GABRB1: variants seen among roughly 807,000 people sequenced by gnomAD.
The protein encoded by GABRB1 is gamma-aminobutyric acid receptor subunit beta-1.
A neutral mutation model predicts 51.6 loss-of-function variants in GABRB1; 17 were observed. The ratio of observed to expected loss-of-function variants is 0.33; its 90% CI spans 0.23 to 0.49. The LOEUF is 0.49. Among genes scored for constraint, GABRB1 ranks in the 20% least tolerant of loss-of-function variants. The pLI is 0.99. For missense variants in GABRB1, 410 were observed against 600.6 expected (o/e 0.68, Z 3.32); for synonymous variants, 247 against 218.9 (o/e 1.13, Z -1.14).
At position 47,351,325 on chromosome 4, in the gene GABRB1, C is replaced by CA. The variant is rs1726321612; in HGVS notation, c.544+31122dup. ...CAAGTGTGTCTATAATAATTCCCCC[C>CA]AAAAAATATCCAATCCAACCAAATT... On this transcript the variant is annotated intron_variant, in intron 5 of 8. Transcript: ENST00000295454. 2.0e-5 allele frequency among the ~76,000 whole-genome samples: 3 copies of CA among 152,244 alleles called. No homozygotes were observed. In the South Asian group the frequency reaches 6.2e-4, roughly 32 times the overall value.
chr4:47,277,124 C>T (rs983686492), intron 4 of GABRB1, among the ~76,000 whole-genome samples: 5 of 151,974 alleles, frequency 3.3e-5, no homozygotes, highest in African/African-American at 1.2e-4. Context: ...ATTATTACCA[C>T]GAATTACACT....
chr4:47,015,932 T>C (rs1019563707), intron 1 of GABRB1, among the ~76,000 whole-genome samples: 5 of 152,190 alleles, frequency 3.3e-5, no homozygotes, highest in Non-Finnish European at 7.3e-5. Context: ...GGTAGAACTA[T>C]GGTAAAAAGT....
intron 4 of GABRB1, among the ~76,000 whole-genome samples, chr4:47,275,832 T>C (rs936073274): frequency 6.6e-6 from 1 of 152,128 alleles, no homozygotes; most frequent in African/African-American, 2.4e-5. Context: ...TCTCAAGGGA[T>C]TGATTAAGGA....
intron 5 of GABRB1, among the ~76,000 whole-genome samples, chr4:47,377,858 TG>T (rs1171990790): frequency 6.6e-6 from 1 of 152,176 alleles, no homozygotes; most frequent in Non-Finnish European, 1.5e-5. Flanking sequence ...CACAGGGTGC[TG>T]ATTGGTATGT....
At chr4:47,219,442 T>C (rs1159889866) in intron 4 of GABRB1, among the ~76,000 whole-genome samples, 1 of 151,900 alleles carries the variant, frequency 6.6e-6, no homozygotes, top group Non-Finnish European at 1.5e-5. Context: ...AATTGTGTTA[T>C]TATTTTGTAT....
chr4:47,425,937 C>A lies in GABRB1; in HGVS notation c.1344C>A (p.Ser448=). The part of the protein sequence containing the change: ...VKIPDLTDVN[S]IDKWSRMFFP... The stretch of plus-strand genomic sequence containing the variant: ...TCCCCGACTTGACTGATGTGAATTC[C>A]ATAGACAAGTGGTCCCGAATGTTTT... Residue 448 remains serine, a synonymous_variant, in exon 9 of 9, where the codon TCC becomes TCA. Transcript: ENST00000295454. 6.2e-7 allele frequency: 1 copy of A among 1,613,894 alleles called. No individual in the cohort carries two copies. Among genetic ancestry groups the A allele is most frequent in the Non-Finnish European group, 8.5e-7 (1 of 1,179,794 alleles).
At position 47,090,680 on chromosome 4, in the gene GABRB1, A is replaced by G. The variant is rs1373357286; in HGVS notation, c.240+58196A>G. Reference sequence around the variant, plus strand: ...AAATAAAAAACAGCTTTACCTCTTTAATAGCTAAACGTTAGAGAACCTACT... The same window carrying G: ...AAATAAAAAACAGCTTTACCTCTTTGATAGCTAAACGTTAGAGAACCTACT... On this transcript the variant is annotated intron_variant, in intron 3 of 8. Transcript: ENST00000295454. Among the ~76,000 whole-genome samples, 3 of 152,182 alleles carry G rather than the reference A, an allele frequency of 2.0e-5. No homozygotes were observed. The East Asian group carries it at 5.8e-4, about 29-fold the overall frequency.
chr4:47,126,605 A>G (rs1716154767), intron 3 of GABRB1, among the ~76,000 whole-genome samples: 1 of 152,144 alleles, frequency 6.6e-6, no homozygotes, highest in South Asian at 2.1e-4. Context: ...AAAAACAAAT[A>G]TACACGTAAA....
intron 4 of GABRB1, among the ~76,000 whole-genome samples, chr4:47,233,066 G>C (rs1000040069): frequency 6.6e-6 from 1 of 152,012 alleles, no homozygotes; most frequent in Non-Finnish European, 1.5e-5. Flanking sequence ...GGTAGAGACA[G>C]GATTTCACCA....
intron 8 of GABRB1, among the ~76,000 whole-genome samples, chr4:47,421,850 A>C (rs1729099848): frequency 6.6e-6 from 1 of 152,004 alleles, no homozygotes; most frequent in South Asian, 2.1e-4. Flanking sequence ...GGAGGTAATG[A>C]TCTCTTATGG....
chr4:47,186,920 A>C (rs1719205061), intron 4 of GABRB1, among the ~76,000 whole-genome samples: 4 of 151,924 alleles, frequency 2.6e-5, no homozygotes. Context: ...AACAGTTTGC[A>C]TTAATTATTT....
At position 47,041,344 on chromosome 4, in the gene GABRB1, G is replaced by A. The variant is rs974776573; in HGVS notation, c.240+8860G>A. 2.2e-4 allele frequency among the ~76,000 whole-genome samples: 33 copies of A among 152,214 alleles called. 1 individual carries two copies. Among genetic ancestry groups the A allele is most frequent in the Admixed American group, 2.1e-3 (32 of 15,262 alleles). ...TGGAAAGAGGAAATCTATTTAAGCA[G>A]TCTTATTCATAGATTATACTATTTT... On this transcript the variant is annotated intron_variant, in intron 3 of 8. Coordinates refer to ENST00000295454, the MANE Select transcript of GABRB1 (RefSeq NM_000812.4).
At chr4:47,005,151 G>T (rs1343114799) in intron 1 of GABRB1, among the ~76,000 whole-genome samples, 1 of 152,222 alleles carries the variant, frequency 6.6e-6, no homozygotes, top group African/African-American at 2.4e-5. Flanking sequence ...AGGCGCAGTG[G>T]CTCACGCCTA....
intron 4 of GABRB1, among the ~76,000 whole-genome samples, chr4:47,317,454 A>C (rs1285243878): frequency 6.6e-6 from 1 of 151,890 alleles, no homozygotes; most frequent in African/African-American, 2.4e-5. Context: ...TATGAGACTA[A>C]AAAAAAGAAT....
chr4:47,009,630 G>A (rs1724531660), intron 1 of GABRB1, among the ~76,000 whole-genome samples: 1 of 152,220 alleles, frequency 6.6e-6, no homozygotes, highest in Non-Finnish European at 1.5e-5. Context: ...AAAGTCGTAT[G>A]ATAGCATAAA....
chr4:47,052,860 G>T (rs1726415769), intron 3 of GABRB1, among the ~76,000 whole-genome samples: 1 of 152,198 alleles, frequency 6.6e-6, no homozygotes. Flanking sequence ...AAAAAATAGA[G>T]AGCGAGCAAG....
intron 4 of GABRB1, among the ~76,000 whole-genome samples, chr4:47,165,297 C>T (rs1377232139): frequency 1.3e-5 from 2 of 151,944 alleles, no homozygotes; most frequent in Non-Finnish European, 2.9e-5. Flanking sequence ...AGACTTTGCT[C>T]CCCCATTTTA....
chr4:47,147,170 C>T (rs887494522), intron 3 of GABRB1, among the ~76,000 whole-genome samples: 1 of 152,038 alleles, frequency 6.6e-6, no homozygotes, highest in Non-Finnish European at 1.5e-5. Flanking sequence ...CTACTTCAAG[C>T]ACTTTAAATT....
intron 1 of GABRB1, among the ~76,000 whole-genome samples, chr4:47,015,637 A>G (rs1724720856): frequency 6.6e-6 from 1 of 152,224 alleles, no homozygotes; most frequent in South Asian, 2.1e-4. Flanking sequence ...AATGGTTTCA[A>G]AGCAATAATT....
Sources: gnomAD v4.1 joint callset for allele counts (sites outside exome capture counted in the v4.1 genomes callset) on GRCh38, gnomAD v4.1.1 for gene constraint, MANE v1.5 for transcripts, NCBI Gene and HGNC (gene_info 2026-07-23, HGNC 2026-07-21) for gene names.